Variants in CNTN3 observed in about 807,000 individuals in gnomAD.
The protein encoded by CNTN3 is contactin 3.
CNTN3 carries 60 observed loss-of-function variants against 119.1 expected under a neutral mutation model. That is an observed-to-expected ratio of 0.50 (90% CI 0.41 to 0.62). CNTN3 has a LOEUF of 0.62. CNTN3 is among the 20% of genes least tolerant of loss of function. The pLI, the probability that CNTN3 is intolerant of heterozygous loss-of-function variation, is 0.00. For missense variants in CNTN3, 1,101 were observed against 1,242.4 expected (o/e 0.89, Z 1.71); for synonymous variants, 450 against 438.7 (o/e 1.03, Z -0.32).
chr3:74,482,797 A>T (rs900798120), intron 4 of CNTN3, among the ~76,000 whole-genome samples: 10 of 152,146 alleles, frequency 6.6e-5, no homozygotes. Flanking sequence ...ATTCCTCTGA[A>T]GTCATGAGCA....
chr3:74,298,212 G>A (rs1702380908), intron 17 of CNTN3, 21 bp from the exon 18 acceptor site: 1 of 1,507,318 alleles, frequency 6.6e-7, no homozygotes, highest in Non-Finnish European at 9.0e-7. Flanking sequence ...AAGACATACT[G>A]AATCACCCTT....
chr3:74,344,266 C>T (rs1703621405), intron 11 of CNTN3, among the ~76,000 whole-genome samples: 1 of 152,128 alleles, frequency 6.6e-6, no homozygotes, highest in Non-Finnish European at 1.5e-5. Context: ...AGTGGACCAA[C>T]TAACACCCTG....
intron 5 of CNTN3, among the ~76,000 whole-genome samples, chr3:74,416,180 CAGAA>C (rs145146264): frequency 0.019 from 2,908 of 152,212 alleles, 98 homozygotes; most frequent in African/African-American, 0.066. Flanking sequence ...CCCCAGGGTA[CAGAA>C]AGAAAGTATA....
chr3:74,563,864 G>A (rs1051490121), intron 1 of CNTN3, among the ~76,000 whole-genome samples: 1 of 152,046 alleles, frequency 6.6e-6, no homozygotes, highest in Non-Finnish European at 1.5e-5. Context: ...AATAAACCCT[G>A]AATTAACTCT....
chr3:74,298,277 G>A, intron 17 of CNTN3, 86 bp from the exon 18 acceptor site: 5 of 787,708 alleles, frequency 6.3e-6, no homozygotes, highest in Non-Finnish European at 9.9e-6. Flanking sequence ...GCATTTATTT[G>A]TAAAAGTCAT....
intron 1 of CNTN3, among the ~76,000 whole-genome samples, chr3:74,612,700 T>C (rs1705102755): frequency 1.3e-5 from 2 of 152,226 alleles, no homozygotes; most frequent in South Asian, 4.1e-4. Context: ...ATTTCCCTGG[T>C]GGATACTGAT....
At chr3:74,503,084 C>T (rs771465027) in intron 2 of CNTN3, among the ~76,000 whole-genome samples, 5 of 152,134 alleles carry the variant, frequency 3.3e-5, no homozygotes, top group Non-Finnish European at 7.3e-5. Context: ...TCACCTTGCA[C>T]GTGGTTTGGC....
At chr3:74,302,877 G>A in intron 13 of CNTN3, 70 bp from the exon 14 acceptor site, 2 of 967,138 alleles carry the variant, frequency 2.1e-6, no homozygotes, top group Non-Finnish European at 3.2e-6. Context: ...GAAGTCTATG[G>A]CCAAAAACAA....
At chr3:74,597,820 GTAA>G (rs1459596756) in intron 1 of CNTN3, among the ~76,000 whole-genome samples, 1 of 151,946 alleles carries the variant, frequency 6.6e-6, no homozygotes, top group Non-Finnish European at 1.5e-5. Context: ...AATAAATGTG[GTAA>G]TGATGAAGAA....
rs79445668 is a variant in CNTN3 at position 74,535,054 on chromosome 3, A to G, written c.-80-13862T>C. On this transcript the variant is annotated intron_variant, in intron 1 of 22. Coordinates refer to ENST00000263665, the MANE Select transcript of CNTN3 (RefSeq NM_020872.3). Reference sequence around the variant, plus strand: ...ACACCTTGTCTGGAGATAAAGTCTTAAATAAAGCATGGACTCAAACCTAGG... The same window carrying G: ...ACACCTTGTCTGGAGATAAAGTCTTGAATAAAGCATGGACTCAAACCTAGG... 5.4e-3 allele frequency among the ~76,000 whole-genome samples: 819 copies of G among 152,188 alleles called. 3 individuals are homozygous for G. Among genetic ancestry groups the G allele is most frequent in the Non-Finnish European group, 9.6e-3 (655 of 67,992 alleles).
intron 3 of CNTN3, among the ~76,000 whole-genome samples, chr3:74,494,430 C>A (rs1456837328): frequency 6.6e-6 from 1 of 152,024 alleles, no homozygotes; most frequent in African/African-American, 2.4e-5. Flanking sequence ...TCACATTTTT[C>A]TGACACCATT....
intron 1 of CNTN3, among the ~76,000 whole-genome samples, chr3:74,527,420 T>C (rs1703635778): frequency 1.3e-5 from 2 of 151,992 alleles, no homozygotes; most frequent in East Asian, 2.0e-4. Flanking sequence ...GGGGCGGCAA[T>C]ACAAAAATAT....
Position 74,461,180 on chromosome 3 carries a change from C to G in CNTN3, c.358+25276G>C, listed in dbSNP as rs139964777. On this transcript the variant is annotated intron_variant, in intron 4 of 22. Coordinates refer to ENST00000263665, the MANE Select transcript of CNTN3 (RefSeq NM_020872.3). ...ATTTTCAAATGTTAGACCAAACTTG[C>G]ATTCTTGGGATAAACCCTATTTGAA... Among the ~76,000 whole-genome samples, 316 of 151,968 alleles carry G rather than the reference C, an allele frequency of 2.1e-3. 2 individuals are homozygous for G. Among genetic ancestry groups the G allele is most frequent in the Non-Finnish European group, 3.7e-3 (248 of 67,918 alleles).
intron 19 of CNTN3, among the ~76,000 whole-genome samples, chr3:74,293,161 T>C (rs1702268599): frequency 6.6e-6 from 1 of 152,218 alleles, no homozygotes; most frequent in Admixed American, 6.5e-5. Flanking sequence ...GACCTAGTCC[T>C]AAATGTTTGG....
intron 8 of CNTN3, among the ~76,000 whole-genome samples, 173 bp from the exon 9 acceptor site, chr3:74,365,875 T>TG (rs1265997278): frequency 6.6e-6 from 1 of 152,136 alleles, no homozygotes; most frequent in Non-Finnish European, 1.5e-5. Flanking sequence ...ATCTACTCAT[T>TG]GGCTGTATGA....
chr3:74,399,945 T>C (rs1418276694), intron 5 of CNTN3, among the ~76,000 whole-genome samples: 2 of 152,172 alleles, frequency 1.3e-5, no homozygotes. Flanking sequence ...AAGGCAACCA[T>C]GGTGTCTTAC....
intron 5 of CNTN3, among the ~76,000 whole-genome samples, chr3:74,424,153 C>A (rs1036704732): frequency 8.6e-5 from 13 of 151,908 alleles, no homozygotes; most frequent in African/African-American, 3.1e-4. Flanking sequence ...TGCAAGTGGC[C>A]AAGTTTGCAA....
chr3:74,536,236 T>C (rs972266840), intron 1 of CNTN3, among the ~76,000 whole-genome samples: 35 of 152,076 alleles, frequency 2.3e-4, no homozygotes, highest in African/African-American at 7.0e-4. Context: ...CGGTGCCAGA[T>C]TGGAGATCTC....
intron 4 of CNTN3, among the ~76,000 whole-genome samples, chr3:74,458,830 A>T (rs6781030): frequency 0.81 from 122,572 of 151,952 alleles, 49,904 homozygotes; most frequent in African/African-American, 0.9. Flanking sequence ...TTTACATATA[A>T]AATTAAGAAA....
Sources: gnomAD v4.1 joint callset for allele counts (sites outside exome capture counted in the v4.1 genomes callset) on GRCh38, gnomAD v4.1.1 for gene constraint, MANE v1.5 for transcripts, NCBI Gene and HGNC (gene_info 2026-07-23, HGNC 2026-07-21) for gene names.